Variants in GRM5 observed in about 807,000 individuals in gnomAD.
The protein encoded by GRM5 is metabotropic glutamate receptor 5.
Under a neutral mutation model 83.1 loss-of-function variants are expected in GRM5, and 19 were observed. The observed-to-expected ratio is 0.23, with a 90% CI of 0.16 to 0.34. GRM5 has a LOEUF of 0.34. GRM5 is among the 10% of genes least tolerant of loss of function. The pLI is 1.00. For missense variants in GRM5, 1,160 were observed against 1,588.3 expected, an observed-to-expected ratio of 0.73 and a Z score of 4.58; for synonymous variants, 675 against 633.6, an observed-to-expected ratio of 1.07 and a Z score of -0.98.
chr11:88,588,987 G>T (rs890546553), intron 7 of GRM5, among the ~76,000 whole-genome samples: 3 of 152,142 alleles, frequency 2.0e-5, no homozygotes, highest in African/African-American at 4.8e-5. Flanking sequence ...TAATGAAAGT[G>T]TGTGTTCATT....
intron 5 of GRM5, among the ~76,000 whole-genome samples, chr11:88,597,599 C>T (rs1341611825): frequency 6.6e-6 from 1 of 152,052 alleles, no homozygotes; most frequent in East Asian, 1.9e-4. Context: ...GACTTGACCC[C>T]AGCAGGATGA....
intron 2 of GRM5, among the ~76,000 whole-genome samples, chr11:88,882,879 T>G (rs1384172372): frequency 6.6e-6 from 1 of 152,152 alleles, no homozygotes; most frequent in Non-Finnish European, 1.5e-5. Context: ...GTCTTTCCCA[T>G]GCTTCTCATG....
At chr11:88,575,111 T>G (rs1943081823) in intron 7 of GRM5, among the ~76,000 whole-genome samples, 1 of 152,066 alleles carries the variant, frequency 6.6e-6, no homozygotes, top group South Asian at 2.1e-4. Context: ...ATGGCATGAT[T>G]GCTTTCTCCA....
chr11:88,927,471 A>G (rs939585397), intron 2 of GRM5, among the ~76,000 whole-genome samples: 1 of 152,182 alleles, frequency 6.6e-6, no homozygotes. Context: ...TAAAAAGAAG[A>G]GTACATGTTA....
chr11:88,728,921 G>A (rs1457418610), intron 3 of GRM5, among the ~76,000 whole-genome samples: 2 of 152,116 alleles, frequency 1.3e-5, no homozygotes, highest in African/African-American at 4.8e-5. Context: ...ATATCACACT[G>A]AATAGGCAAA....
At chr11:88,828,877 A>G (rs1468337012) in intron 3 of GRM5, among the ~76,000 whole-genome samples, 2 of 152,096 alleles carry the variant, frequency 1.3e-5, no homozygotes, top group East Asian at 1.9e-4. Flanking sequence ...AAGGGTGGTA[A>G]TAATTCAAGA....
intron 4 of GRM5, among the ~76,000 whole-genome samples, chr11:88,636,203 A>G (rs892591075): frequency 1.3e-5 from 2 of 152,178 alleles, no homozygotes; most frequent in African/African-American, 4.8e-5. Flanking sequence ...ACAGGGAAAA[A>G]TATTTTTAGT....
chr11:88,817,180 C>A (rs1943707477), intron 3 of GRM5, among the ~76,000 whole-genome samples: 1 of 152,050 alleles, frequency 6.6e-6, no homozygotes. Flanking sequence ...AAAATATCTT[C>A]AAATTGGTTT....
chr11:89,057,945 T>G (rs1016402676), intron 1 of GRM5, among the ~76,000 whole-genome samples: 3 of 152,134 alleles, frequency 2.0e-5, no homozygotes, highest in African/African-American at 7.2e-5. Context: ...TGTTACTACC[T>G]CTAGAAATCG....
intron 8 of GRM5, among the ~76,000 whole-genome samples, chr11:88,566,618 A>C (rs1942881153): frequency 6.6e-6 from 1 of 152,214 alleles, no homozygotes; most frequent in Non-Finnish European, 1.5e-5. Context: ...AGGCACGTAC[A>C]AGTGCAGTCT....
intron 3 of GRM5, among the ~76,000 whole-genome samples, chr11:88,706,560 A>G (rs764997291): frequency 6.6e-6 from 1 of 152,052 alleles, no homozygotes; most frequent in African/African-American, 2.4e-5. Flanking sequence ...TAACCCAGGA[A>G]ATTTTGGAAG....
chr11:88,986,825 T>C (rs1462348617), intron 2 of GRM5, among the ~76,000 whole-genome samples: 5 of 147,630 alleles, frequency 3.4e-5, no homozygotes, highest in Non-Finnish European at 7.5e-5. Flanking sequence ...AGTTTTCCTA[T>C]AGAAGTTTTA....
At chr11:88,910,659 T>C (rs919817410) in intron 2 of GRM5, among the ~76,000 whole-genome samples, 1 of 152,100 alleles carries the variant, frequency 6.6e-6, no homozygotes, top group Non-Finnish European at 1.5e-5. Flanking sequence ...TCTAAGATTG[T>C]CAAATGGTTA....
intron 3 of GRM5, among the ~76,000 whole-genome samples, chr11:88,823,335 A>T (rs898224033): frequency 6.6e-6 from 1 of 151,658 alleles, no homozygotes; most frequent in African/African-American, 2.4e-5. Flanking sequence ...ACTTTTAAGG[A>T]TGCTGTATAT....
intron 5 of GRM5, among the ~76,000 whole-genome samples, chr11:88,602,267 C>A (rs1938021023): frequency 6.6e-6 from 1 of 152,074 alleles, no homozygotes; most frequent in African/African-American, 2.4e-5. Context: ...ATGTTAGGGG[C>A]ATTATATGAT....
intron 3 of GRM5, among the ~76,000 whole-genome samples, chr11:88,803,670 C>A (rs1005247274): frequency 1.3e-5 from 2 of 152,216 alleles, no homozygotes; most frequent in Non-Finnish European, 1.5e-5. Flanking sequence ...GCAACAGAAG[C>A]CAAAATTGAC....
At chr11:88,669,074 G>A (rs1217622955) in intron 3 of GRM5, among the ~76,000 whole-genome samples, 1 of 152,106 alleles carries the variant, frequency 6.6e-6, no homozygotes, top group Non-Finnish European at 1.5e-5. Context: ...TTATTTTGAA[G>A]AGATATATAC....
At chr11:88,831,451 C>G (rs747337381) in intron 3 of GRM5, among the ~76,000 whole-genome samples, 15 of 152,222 alleles carry the variant, frequency 9.9e-5, no homozygotes, top group Non-Finnish European at 1.9e-4. Flanking sequence ...GCAGCCGCTG[C>G]CTCCCTAACC....
At chr11:88,936,386 A>G (rs1937895819) in intron 2 of GRM5, among the ~76,000 whole-genome samples, 1 of 151,918 alleles carries the variant, frequency 6.6e-6, no homozygotes, top group South Asian at 2.1e-4. Context: ...AACATTTATT[A>G]AAGGAAAAAA....
Sources: gnomAD v4.1 joint callset for allele counts (sites outside exome capture counted in the v4.1 genomes callset) on GRCh38, gnomAD v4.1.1 for gene constraint, MANE v1.5 for transcripts, NCBI Gene and HGNC (gene_info 2026-07-23, HGNC 2026-07-21) for gene names.